The following LRBA variants were observed in gnomAD, a reference collection of about 807,000 sequenced individuals.
LRBA encodes the protein lipopolysaccharide-responsive and beige-like anchor protein.
LRBA carries 176 observed loss-of-function variants against 330.0 expected under a neutral mutation model. That is an observed-to-expected ratio of 0.53 (90% CI 0.47 to 0.60). LRBA has a LOEUF of 0.60. LRBA is among the 20% of genes least tolerant of loss of function. The probability of loss-of-function intolerance (pLI) is 0.00; values close to 1 mark genes in which losing one functional copy is unlikely to be tolerated. For synonymous variants in LRBA, 1,230 were observed against 1,193.0 expected, an observed-to-expected ratio of 1.03 and a Z score of -0.64; for missense variants, 3,259 against 3,444.8, an observed-to-expected ratio of 0.95 and a Z score of 1.35.
At chr4:150,873,412 G>A (rs1451046295) in intron 17 of LRBA, among the ~76,000 whole-genome samples, 4 of 151,578 alleles carry the variant, frequency 2.6e-5, no homozygotes. Context: ...CCAACATGGT[G>A]AGACCCCATC....
chr4:150,816,761 A>G (rs1367279723), intron 31 of LRBA, among the ~76,000 whole-genome samples: 2 of 151,938 alleles, frequency 1.3e-5, no homozygotes, highest in Non-Finnish European at 2.9e-5. Context: ...TTAAAAGATT[A>G]CATGTCAACA....
At chr4:150,623,660 G>C (rs761527509) in intron 37 of LRBA, among the ~76,000 whole-genome samples, 31 of 151,724 alleles carry the variant, frequency 2.0e-4, no homozygotes, top group African/African-American at 4.8e-4. Context: ...GTACTAAAGA[G>C]AATTTTCACA....
chr4:150,844,628 T>C lies in LRBA; in HGVS notation c.4461+30A>G, dbSNP rs186676873. ...CTTAATTGTAAAATAGGAGTATGCT[T>C]TTTGAAAATTAATTAATCTGTATAC... On this transcript the variant is annotated intron_variant, in intron 27 of 56. Transcript: ENST00000651943. 50 of 1,572,128 alleles carry C rather than the reference T, an allele frequency of 3.2e-5. No individual in the cohort carries two copies. In the African/African-American group the frequency reaches 5.9e-4, roughly 18 times the overall value.
At chr4:150,441,210 T>C (rs1751792994) in intron 44 of LRBA, among the ~76,000 whole-genome samples, 1 of 152,062 alleles carries the variant, frequency 6.6e-6, no homozygotes, top group Admixed American at 6.6e-5. Flanking sequence ...TGGGATCTAT[T>C]AGGAAAGACC....
intron 2 of LRBA, among the ~76,000 whole-genome samples, chr4:150,964,138 C>T (rs1738587005): frequency 6.8e-6 from 1 of 147,930 alleles, no homozygotes; most frequent in Non-Finnish European, 1.5e-5. Context: ...GGGGCAGCCC[C>T]CGCCCGGCCA....
chr4:150,417,344 T>C (rs1747927114), intron 46 of LRBA, among the ~76,000 whole-genome samples: 1 of 152,142 alleles, frequency 6.6e-6, no homozygotes, highest in Admixed American at 6.5e-5. Flanking sequence ...GTGTATTCAA[T>C]TAATTTCCAG....
At chr4:150,386,762 T>G (rs1223014956) in intron 47 of LRBA, among the ~76,000 whole-genome samples, 2 of 152,148 alleles carry the variant, frequency 1.3e-5, no homozygotes, top group Non-Finnish European at 2.9e-5. Context: ...GTATAACATA[T>G]TCCTTTGGGT....
intron 35 of LRBA, among the ~76,000 whole-genome samples, chr4:150,759,982 C>T (rs534239827): frequency 8.6e-5 from 13 of 152,030 alleles, no homozygotes; most frequent in Admixed American, 2.6e-4. Flanking sequence ...GTAAAGTCTA[C>T]GATGTTCAAA....
intron 40 of LRBA, among the ~76,000 whole-genome samples, chr4:150,519,033 A>G (rs10213297): frequency 0.061 from 9,277 of 152,100 alleles, 456 homozygotes; most frequent in East Asian, 0.18. Flanking sequence ...TTTCCTAGAT[A>G]ATTTTTTTTC....
At chr4:150,811,441 G>A (rs1276309991) in intron 31 of LRBA, among the ~76,000 whole-genome samples, 7 of 151,154 alleles carry the variant, frequency 4.6e-5, no homozygotes, top group African/African-American at 1.7e-4. Context: ...AAAAAAAAAA[G>A]GGGGTGTGCA....
chr4:150,310,133 G>A, intron 52 of LRBA, 96 bp downstream of exon 52: 1 of 818,874 alleles, frequency 1.2e-6, no homozygotes, highest in African/African-American at 1.7e-5. Flanking sequence ...TTAGGATTTT[G>A]TAATTTTTGG....
At chr4:150,593,807 C>T (rs896290261) in intron 38 of LRBA, among the ~76,000 whole-genome samples, 6 of 152,008 alleles carry the variant, frequency 3.9e-5, no homozygotes, top group African/African-American at 1.4e-4. Flanking sequence ...AAGAAGAAAC[C>T]TCTTTAATCT....
intron 17 of LRBA, among the ~76,000 whole-genome samples, chr4:150,889,257 T>G (rs1424995795): frequency 6.7e-6 from 1 of 150,300 alleles, no homozygotes; most frequent in Non-Finnish European, 1.5e-5. Flanking sequence ...TATATCCTAC[T>G]GCTCAAGGTC....
intron 40 of LRBA, among the ~76,000 whole-genome samples, chr4:150,502,620 T>C (rs1218974034): frequency 6.6e-6 from 1 of 152,142 alleles, no homozygotes; most frequent in Non-Finnish European, 1.5e-5. Context: ...CAGCTCCCAG[T>C]GTGAGCAACA....
intron 33 of LRBA, among the ~76,000 whole-genome samples, chr4:150,800,859 A>G (rs1282484443): frequency 6.6e-6 from 1 of 152,186 alleles, no homozygotes; most frequent in Non-Finnish European, 1.5e-5. Context: ...CAAACTCAGG[A>G]TACCAAGCCA....
At chr4:150,531,920 C>CGT (rs975085506) in intron 40 of LRBA, among the ~76,000 whole-genome samples, 1 of 152,142 alleles carries the variant, frequency 6.6e-6, no homozygotes, top group Non-Finnish European at 1.5e-5. Flanking sequence ...CTCTACCATG[C>CGT]GTATCATTTA....
chr4:150,476,221 T>A (rs755622970), intron 42 of LRBA, among the ~76,000 whole-genome samples: 1 of 152,178 alleles, frequency 6.6e-6, no homozygotes, highest in Non-Finnish European at 1.5e-5. Flanking sequence ...ATTTCAGATA[T>A]GGGTGTTTAA....
chr4:150,439,840 C>T (rs564234549), intron 44 of LRBA, among the ~76,000 whole-genome samples: 1 of 152,226 alleles, frequency 6.6e-6, no homozygotes, highest in South Asian at 2.1e-4. Context: ...CATGCTGGCC[C>T]ACATTTTTCT....
At chr4:150,668,367 T>C (rs1006969599) in intron 37 of LRBA, among the ~76,000 whole-genome samples, 1 of 152,184 alleles carries the variant, frequency 6.6e-6, no homozygotes, top group Non-Finnish European at 1.5e-5. Flanking sequence ...GATCTCACAG[T>C]CAGTCTGAGA....
Sources: allele counts gnomAD v4.1 joint callset (sites outside exome capture counted in the v4.1 genomes callset), GRCh38; gene constraint gnomAD v4.1.1; transcripts MANE v1.5; gene names NCBI Gene and HGNC (gene_info 2026-07-23, HGNC 2026-07-21).